Variants in RGS10 observed in about 807,000 individuals in gnomAD.
RGS10 encodes regulator of G-protein signalling 10.
A neutral mutation model predicts 23.5 loss-of-function variants in RGS10; 11 were observed. The observed-to-expected ratio is 0.47, with a 90% confidence interval of 0.29 to 0.77. The LOEUF is 0.77. Ranked by LOEUF, RGS10 falls within the 30% of genes least tolerant of loss-of-function variation. The pLI, the probability that RGS10 is intolerant of heterozygous loss-of-function variation, is 0.08. For synonymous variants in RGS10, 77 were observed against 83.2 expected, an observed-to-expected ratio of 0.92 and a Z score of 0.41; for missense variants, 180 against 226.3, an observed-to-expected ratio of 0.80 and a Z score of 1.31.
intron 4 of RGS10, among the ~76,000 whole-genome samples, chr10:119,508,914 T>C (rs184125965): frequency 6.6e-6 from 1 of 151,988 alleles, no homozygotes; most frequent in Admixed American, 6.6e-5. Context: ...CTGGGCAACA[T>C]AGTAAGACCC....
At chr10:119,521,627 A>AAAAGAAGG in intron 3 of RGS10, among the ~76,000 whole-genome samples, 1 of 119,910 alleles carries the variant, frequency 8.3e-6, no homozygotes, top group Non-Finnish European at 1.6e-5. Context: ...GGAAGGAAAG[A>AAAAGAAGG]AAGGAAGGAA....
In RGS10 at chr10:119,517,333, T is replaced by C. The variant is rs1844155844; in HGVS notation, c.256-1681A>G. 6.6e-6 allele frequency among the ~76,000 whole-genome samples: 1 copy of C among 152,088 alleles called. No homozygotes were observed. Among genetic ancestry groups the C allele is most frequent in the Non-Finnish European group, 1.5e-5 (1 of 68,024 alleles). ...CTGTCCACCCTGTCTTCACTGTCAA[T>C]AGGAGCAATGAATCGATGCCAGACT... is the stretch of plus-strand genomic sequence containing the variant. On this transcript the variant is annotated intron_variant, in intron 3 of 4. Transcript: ENST00000369103. This position sits in a 1 kb window ranked among gnomAD's most constrained non-coding sequence, Gnocchi z 5.0.
chr10:119,527,035 G>A lies in RGS10; in HGVS notation c.168+271C>T, dbSNP rs1438741169. Among the ~76,000 whole-genome samples the A allele has an allele frequency of 1.3e-5, 2 of 151,924 alleles. No individual in the cohort carries two copies. Among genetic ancestry groups the A allele is most frequent in the Non-Finnish European group, 2.9e-5 (2 of 67,958 alleles). On this transcript the variant is annotated intron_variant, in intron 2 of 4. Coordinates refer to ENST00000369103, the MANE Select transcript of RGS10 (RefSeq NM_001005339.2). This position sits in a 1 kb window ranked among gnomAD's most constrained non-coding sequence, Gnocchi z 4.2. ...TCATACAGACTCCACCAATAGGCAC[G>A]GTATCTTCTCTCTCCTCCCACCCTG...
At chr10:119,530,430 T>C (rs1253467869) in intron 1 of RGS10, among the ~76,000 whole-genome samples, 2 of 152,214 alleles carry the variant, frequency 1.3e-5, no homozygotes, top group Non-Finnish European at 2.9e-5. Flanking sequence ...GGCTCATGCC[T>C]GTAATCCAAA....
rs374019254 is a variant in RGS10 at position 119,515,542 on chromosome 10, C to T, written c.366G>A (p.Pro122=). 6.2e-6 allele frequency: 10 copies of T among 1,613,970 alleles called. No homozygotes were observed. The highest frequency in any genetic ancestry group is 4.0e-5 in the African/African-American group (3 of 74,894). ...GGAGTTTCTGGAACATCAGAGGGTG[C>T]GGTTCTTCCAGGATCTTCTCGTTGA... The part of the protein sequence containing the change: ...SRLNEKILEE[P]HPLMFQKLQD... The change falls in exon 4 of 5, where the codon CCG becomes CCA. Residue 122 remains proline (P), a synonymous_variant. Coordinates refer to ENST00000369103, the MANE Select transcript of RGS10 (RefSeq NM_001005339.2).
At chr10:119,510,277 A>G (rs1844062462) in intron 4 of RGS10, among the ~76,000 whole-genome samples, 1 of 152,114 alleles carries the variant, frequency 6.6e-6, no homozygotes, top group South Asian at 2.1e-4. Flanking sequence ...GTCCCTCCCA[A>G]CTGAACTTTC....
chr10:119,536,609 C>A, intron 1 of RGS10: 1 of 1,043,434 alleles, frequency 9.6e-7, no homozygotes, highest in Non-Finnish European at 1.4e-6. Context: ...TCAACATCCT[C>A]TTTTAAGTGG....
Position 119,517,792 on chromosome 10 carries a change from G to C in RGS10, c.256-2140C>G, listed in dbSNP as rs1242313994. Among the ~76,000 whole-genome samples, 1 of 152,258 alleles carries C rather than the reference G, an allele frequency of 6.6e-6. No individual in the cohort carries two copies. The highest frequency in any genetic ancestry group is 1.5e-5 in the Non-Finnish European group (1 of 68,048). On this transcript the variant is annotated intron_variant, in intron 3 of 4. Coordinates refer to ENST00000369103, the MANE Select transcript of RGS10 (RefSeq NM_001005339.2). This position sits in a 1 kb window ranked among gnomAD's most constrained non-coding sequence, Gnocchi z 5.0. ...TGGCTTGAGTCTTTGAGGTGGGGCA[G>C]AAGAGGCCGGGGGAGAGGAAGTAGG...
intron 1 of RGS10, among the ~76,000 whole-genome samples, chr10:119,533,202 C>T (rs1390134117): frequency 5.3e-5 from 8 of 151,356 alleles, no homozygotes; most frequent in Admixed American, 2.6e-4. Context: ...CATGGTGGCA[C>T]GCACCTGTAA....
chr10:119,535,741 C>A (rs1235408909), intron 1 of RGS10, among the ~76,000 whole-genome samples: 2 of 152,180 alleles, frequency 1.3e-5, no homozygotes, highest in Non-Finnish European at 2.9e-5. Context: ...AAGTACTCCC[C>A]CAAACTCACA....
chr10:119,511,890 T>C (rs1347566712), intron 4 of RGS10, among the ~76,000 whole-genome samples: 2 of 152,126 alleles, frequency 1.3e-5, no homozygotes, highest in Non-Finnish European at 2.9e-5. Context: ...CATCACTCCA[T>C]AGTCTCTACC....
At chr10:119,535,939 T>C (rs1385911181) in intron 1 of RGS10, among the ~76,000 whole-genome samples, 4 of 152,364 alleles carry the variant, frequency 2.6e-5, no homozygotes, top group South Asian at 4.1e-4. Flanking sequence ...TTGTCACCTA[T>C]ACCACATCAA....
chr10:119,513,727 G>T (rs1844104348), intron 4 of RGS10, among the ~76,000 whole-genome samples: 1 of 152,150 alleles, frequency 6.6e-6, no homozygotes, highest in Non-Finnish European at 1.5e-5. Flanking sequence ...GCAGTCCTGG[G>T]AAGTGGGATG....
At chr10:119,540,735 C>T (rs1374740595) in intron 1 of RGS10, among the ~76,000 whole-genome samples, 1 of 152,206 alleles carries the variant, frequency 6.6e-6, no homozygotes, top group African/African-American at 2.4e-5. Context: ...AGTCTTCAAC[C>T]CAAAAGCAAT....
chr10:119,526,158 T>TA (rs1564714263), intron 2 of RGS10, 40 bp from the exon 3 acceptor site: 8 of 1,103,590 alleles, frequency 7.2e-6, no homozygotes, highest in African/African-American at 1.6e-5. Flanking sequence ...GTATTCTACT[T>TA]TAAAAAAAAA....
chr10:119,526,235 T>C, intron 2 of RGS10, 117 bp from the exon 3 acceptor site: 5 of 515,810 alleles, frequency 9.7e-6, no homozygotes, highest in South Asian at 3.7e-5. Context: ...CATGGTTCAG[T>C]TACTCTTCGA....
chr10:119,525,942 G>T, intron 3 of RGS10, 90 bp downstream of exon 3: 1 of 611,226 alleles, frequency 1.6e-6, no homozygotes, highest in Non-Finnish European at 2.9e-6. Flanking sequence ...AAACTAATAT[G>T]AATCAGGTTT....
intron 4 of RGS10, among the ~76,000 whole-genome samples, chr10:119,505,077 G>T (rs892732560): frequency 6.6e-6 from 1 of 152,182 alleles, no homozygotes; most frequent in East Asian, 1.9e-4. Context: ...GTTCCAACAA[G>T]CAGGGATCCC....
intron 4 of RGS10, among the ~76,000 whole-genome samples, chr10:119,504,858 G>C (rs965007296): frequency 6.6e-6 from 1 of 152,174 alleles, no homozygotes; most frequent in Non-Finnish European, 1.5e-5. Context: ...CCACCCACCA[G>C]AGTCTTGTGG....
Sources: allele counts gnomAD v4.1 joint callset (sites outside exome capture counted in the v4.1 genomes callset), GRCh38; gene constraint gnomAD v4.1.1; non-coding constraint Gnocchi (gnomAD v3.1); transcripts MANE v1.5; gene names NCBI Gene and HGNC (gene_info 2026-07-23, HGNC 2026-07-21).